The following SBF2 variants were observed in gnomAD, a reference collection of about 807,000 sequenced individuals.
The protein encoded by SBF2 is myotubularin-related protein 13.
In SBF2, 112 loss-of-function variants were observed where a neutral mutation model predicts 225.2. That is an observed-to-expected ratio of 0.50 (90% CI 0.43 to 0.58). The LOEUF (loss-of-function observed/expected upper bound fraction) is 0.58, where lower values mean the gene tolerates loss of function less well. SBF2 is among the 20% of genes least tolerant of loss of function. The pLI is 0.00. For synonymous variants in SBF2, 763 were observed against 773.3 expected (o/e 0.99, Z 0.22); for missense variants, 1,996 against 2,206.2 (o/e 0.90, Z 1.91).
At chr11:9,940,724 A>G (rs1388652514) in intron 16 of SBF2, among the ~76,000 whole-genome samples, 4 of 152,336 alleles carry the variant, frequency 2.6e-5, no homozygotes, top group South Asian at 4.1e-4. Context: ...TGAGATACTA[A>G]GGACTCATTG....
At chr11:9,809,436 A>C (rs1854046922) in intron 30 of SBF2, among the ~76,000 whole-genome samples, 1 of 152,202 alleles carries the variant, frequency 6.6e-6, no homozygotes, top group African/African-American at 2.4e-5. Context: ...CATAGAGTAC[A>C]AAAAACAGAG....
At chr11:10,175,904 G>GA (rs534596338) in intron 2 of SBF2, among the ~76,000 whole-genome samples, 121 of 151,986 alleles carry the variant, frequency 8.0e-4, no homozygotes, top group Non-Finnish European at 1.4e-3. Flanking sequence ...ACCGGCTCCT[G>GA]AATGACTACT....
chr11:9,836,207 A>G (rs1294213006), intron 26 of SBF2, among the ~76,000 whole-genome samples: 1 of 152,118 alleles, frequency 6.6e-6, no homozygotes, highest in African/African-American at 2.4e-5. Flanking sequence ...TCATGGAGAC[A>G]TTCTCTTATC....
Position 9,850,014 on chromosome 11 carries a change from G to C in SBF2, c.2806+9C>G. The stretch of plus-strand genomic sequence containing the variant: ...GATACCCATGTTCTGATGGCATATC[G>C]AGTCATACCTAACTGATCATGGGGT... On this transcript the variant is annotated intron_variant, in intron 22 of 39. Coordinates refer to ENST00000256190, the MANE Select transcript of SBF2 (RefSeq NM_030962.4). 6.2e-7 allele frequency: 1 copy of C among 1,611,942 alleles called. No homozygotes were observed. Among genetic ancestry groups the C allele is most frequent in the Non-Finnish European group, 8.5e-7 (1 of 1,178,256 alleles).
intron 27 of SBF2, among the ~76,000 whole-genome samples, 194 bp downstream of exon 27, chr11:9,832,030 A>T (rs1013701450): frequency 6.6e-6 from 1 of 152,248 alleles, no homozygotes; most frequent in Non-Finnish European, 1.5e-5. Flanking sequence ...TTAAGATGTC[A>T]AATTCAATGT....
chr11:10,114,490 C>T lies in SBF2; in HGVS notation c.142-71509G>A, dbSNP rs117939303. Among the ~76,000 whole-genome samples the T allele has an allele frequency of 3.3e-5, 5 of 152,260 alleles. No individual in the cohort carries two copies. The East Asian group carries it at 7.7e-4, about 24-fold the overall frequency. On this transcript the variant is annotated intron_variant, in intron 2 of 39. Transcript: ENST00000256190. ...TTTCCTCTTTCTTTATATCTACATG[C>T]TGTTTTCTAGGTGACATCCTCAAAT... is the stretch of plus-strand genomic sequence containing the variant.
At chr11:9,911,383 C>T (rs375612890) in intron 16 of SBF2, among the ~76,000 whole-genome samples, 1 of 108,188 alleles carries the variant, frequency 9.2e-6, no homozygotes, top group Non-Finnish European at 1.8e-5. Context: ...GACTCTGTCT[C>T]AAAAAAAAAA....
intron 5 of SBF2, among the ~76,000 whole-genome samples, chr11:10,028,876 A>AC (rs1477327628): frequency 6.6e-6 from 1 of 152,184 alleles, no homozygotes; most frequent in Non-Finnish European, 1.5e-5. Context: ...TCAAGTTTAG[A>AC]CCCATCTGTG....
At chr11:10,045,449 G>A (rs892516639) in intron 2 of SBF2, among the ~76,000 whole-genome samples, 4 of 152,164 alleles carry the variant, frequency 2.6e-5, no homozygotes, top group Non-Finnish European at 5.9e-5. Context: ...TTACAGGCAT[G>A]AGCCACTGCA....
intron 2 of SBF2, among the ~76,000 whole-genome samples, chr11:10,072,736 T>TC (rs1950938226): frequency 3.6e-5 from 4 of 111,652 alleles, no homozygotes; most frequent in African/African-American, 1.3e-4. Context: ...TTTTTTTTCT[T>TC]TTTTTTTTTT....
chr11:10,110,845 C>T (rs1005479702), intron 2 of SBF2, among the ~76,000 whole-genome samples: 1 of 151,546 alleles, frequency 6.6e-6, no homozygotes, highest in African/African-American at 2.4e-5. Context: ...TTAATTTTAC[C>T]CAGGAAAAGA....
chr11:9,981,536 AG>A (rs1946959617), intron 13 of SBF2, among the ~76,000 whole-genome samples: 1 of 152,236 alleles, frequency 6.6e-6, no homozygotes, highest in African/African-American at 2.4e-5. Flanking sequence ...TTTTTTCAAG[AG>A]ATATACAACC....
At chr11:9,885,548 C>A (rs1052695119) in intron 17 of SBF2, among the ~76,000 whole-genome samples, 1 of 152,092 alleles carries the variant, frequency 6.6e-6, no homozygotes. Context: ...CAGCAATAAT[C>A]TTACTGGTTC....
upstream of SBF2, among the ~76,000 whole-genome samples, chr11:10,296,196 G>C (rs954627031): frequency 6.6e-6 from 1 of 151,912 alleles, no homozygotes; most frequent in African/African-American, 2.4e-5. Flanking sequence ...GCTTGTTTAC[G>C]GGCAGATACA....
intron 1 of SBF2, among the ~76,000 whole-genome samples, chr11:10,235,394 A>C (rs56063978): frequency 2.6e-5 from 4 of 151,934 alleles, no homozygotes; most frequent in Admixed American, 2.0e-4. Context: ...ATTAGCCGTG[A>C]TGCACGCCTG....
intron 13 of SBF2, among the ~76,000 whole-genome samples, chr11:9,969,437 A>C (rs1867181324): frequency 6.6e-6 from 1 of 152,144 alleles, no homozygotes; most frequent in African/African-American, 2.4e-5. Flanking sequence ...CTCACAATAA[A>C]ACCCAAAGTT....
intron 3 of SBF2, among the ~76,000 whole-genome samples, chr11:10,039,773 T>C (rs562016615): frequency 3.9e-5 from 6 of 152,054 alleles, no homozygotes; most frequent in Admixed American, 3.3e-4. Flanking sequence ...AAAATGATCC[T>C]AGATCAACTT....
At chr11:10,111,411 A>G (rs905176520) in intron 2 of SBF2, among the ~76,000 whole-genome samples, 2 of 152,238 alleles carry the variant, frequency 1.3e-5, no homozygotes, top group African/African-American at 4.8e-5. Context: ...AATCACTCAA[A>G]TCATAGCAAC....
At chr11:10,221,023 C>A (rs1189924055) in intron 1 of SBF2, among the ~76,000 whole-genome samples, 1 of 151,976 alleles carries the variant, frequency 6.6e-6, no homozygotes, top group Non-Finnish European at 1.5e-5. Flanking sequence ...CCTCTGTGTT[C>A]TTCATAGTAT....
Sources: allele counts gnomAD v4.1 joint callset (sites outside exome capture counted in the v4.1 genomes callset), GRCh38; gene constraint gnomAD v4.1.1; transcripts MANE v1.5; gene names NCBI Gene and HGNC (gene_info 2026-07-23, HGNC 2026-07-21).